KCNH7: variants seen among roughly 807,000 people sequenced by gnomAD.
The protein encoded by KCNH7 is potassium voltage-gated channel subfamily H member 7.
A neutral mutation model predicts 120.8 loss-of-function variants in KCNH7; 49 were observed. That is an observed-to-expected ratio of 0.41 (90% CI 0.32 to 0.51). The LOEUF (loss-of-function observed/expected upper bound fraction) is 0.51. Ranked by LOEUF, KCNH7 falls within the 20% of genes least tolerant of loss-of-function variation. The pLI, the probability that KCNH7 is intolerant of heterozygous loss-of-function variation, is 0.38. For synonymous variants in KCNH7, 547 were observed against 516.1 expected (o/e 1.06, Z -0.81); for missense variants, 1,097 against 1,446.6 (o/e 0.76, Z 3.92).
At chr2:162,392,078 G>T (rs1325261843) in intron 12 of KCNH7, among the ~76,000 whole-genome samples, 1 of 151,836 alleles carries the variant, frequency 6.6e-6, no homozygotes, top group Non-Finnish European at 1.5e-5. Flanking sequence ...TTTGGCAAAG[G>T]CAAAGGAAAA....
rs546692695 is a variant in KCNH7, at chr2:162,650,644, T to C, written c.308-113564A>G. On this transcript the variant is annotated intron_variant, in intron 2 of 15. Coordinates refer to ENST00000332142, the MANE Select transcript of KCNH7 (RefSeq NM_033272.4). ...GGTTAAATTCTCCTGTCAGGTACTCTCGCAGCACTGGGTAATTCTCCCTCA... is the reference window on the plus strand; with the variant it reads ...GGTTAAATTCTCCTGTCAGGTACTCCCGCAGCACTGGGTAATTCTCCCTCA... 4.6e-5 allele frequency among the ~76,000 whole-genome samples: 7 copies of C among 152,290 alleles called. No individual in the cohort carries two copies. The East Asian group carries it at 1.2e-3, about 25-fold the overall frequency.
rs1693709186 is a variant in KCNH7, at chr2:162,577,324, T to TCTAG, written c.308-40245_308-40244insCTAG. On this transcript the variant is annotated intron_variant, in intron 2 of 15. Coordinates refer to ENST00000332142, the MANE Select transcript of KCNH7 (RefSeq NM_033272.4). Reference sequence around the variant, plus strand: ...ATCTATCTATCTATCTATCTATCTATCTATCTGTCTATCATCTATCCATCC... The same window carrying TCTAG: ...ATCTATCTATCTATCTATCTATCTATCTAGCTATCTGTCTATCATCTATCCATCC... 6.4e-5 allele frequency among the ~76,000 whole-genome samples: 9 copies of TCTAG among 141,044 alleles called. No homozygotes were observed. In the South Asian group the frequency reaches 2.0e-3, roughly 31 times the overall value. 92.5% of individuals were successfully genotyped at this position (141,044 alleles called of 152,430 possible).
At position 162,435,597 on chromosome 2, in the gene KCNH7, T is replaced by C. The variant is rs1233284862; in HGVS notation, c.1555A>G (p.Thr519Ala). 3 of 1,577,366 alleles carry C rather than the reference T, an allele frequency of 1.9e-6. No individual in the cohort carries two copies. Among genetic ancestry groups the C allele is most frequent in the Non-Finnish European group, 2.6e-6 (3 of 1,161,418 alleles). The change falls in exon 8 of 16, where the codon ACA becomes GCA. Residue 519 changes from threonine (T) to alanine (A), a missense_variant and splice_region_variant. Physicochemically the swap from Thr to Ala is moderately conservative, Grantham distance 58 (BLOSUM62 0). Coordinates refer to ENST00000332142, the MANE Select transcript of KCNH7 (RefSeq NM_033272.4). ...LLIFGSGSDE[T>A]TTLIGLLKTA... ...TTCAAAAGACCAATTAATGTTGTTGTCTGTAGAAATAAATGTACACAGTCA... is the reference window on the plus strand; with the variant it reads ...TTCAAAAGACCAATTAATGTTGTTGCCTGTAGAAATAAATGTACACAGTCA...
chr2:162,474,697 C>A (rs1689675740), intron 6 of KCNH7, among the ~76,000 whole-genome samples: 1 of 152,230 alleles, frequency 6.6e-6, no homozygotes, highest in South Asian at 2.1e-4. Context: ...AGGAAACCAG[C>A]TGCCATGGTT....
At chr2:162,721,994 C>T (rs1484112333) in intron 2 of KCNH7, among the ~76,000 whole-genome samples, 1 of 151,854 alleles carries the variant, frequency 6.6e-6, no homozygotes, top group African/African-American at 2.4e-5. Context: ...TTTGTTTTTG[C>T]CATATATAAA....
chr2:162,729,645 T>TA (rs1687652482), intron 2 of KCNH7, among the ~76,000 whole-genome samples: 1 of 152,206 alleles, frequency 6.6e-6, no homozygotes, highest in African/African-American at 2.4e-5. Flanking sequence ...TAAAACTAGA[T>TA]AGTGCCTTCA....
At chr2:162,714,379 T>C (rs1166470718) in intron 2 of KCNH7, among the ~76,000 whole-genome samples, 1 of 152,092 alleles carries the variant, frequency 6.6e-6, no homozygotes, top group Admixed American at 6.5e-5. Context: ...GAAGTTGAAA[T>C]ATTAAAACAA....
intron 2 of KCNH7, among the ~76,000 whole-genome samples, chr2:162,721,002 C>G (rs919512036): frequency 2.6e-5 from 4 of 152,060 alleles, no homozygotes; most frequent in African/African-American, 9.7e-5. Context: ...TCCTGAGGTG[C>G]GGTGCTTGCA....
chr2:162,565,036 G>C (rs917097754), intron 2 of KCNH7, among the ~76,000 whole-genome samples: 6 of 152,062 alleles, frequency 3.9e-5, no homozygotes, highest in Non-Finnish European at 5.9e-5. Flanking sequence ...TTGTTTTTAT[G>C]TTTTCAGGTT....
intron 2 of KCNH7, among the ~76,000 whole-genome samples, chr2:162,763,666 T>C (rs2105455905): frequency 6.6e-6 from 1 of 151,750 alleles, no homozygotes; most frequent in Non-Finnish European, 1.5e-5. Flanking sequence ...AGAGGGCTAG[T>C]AATGCTGTCT....
At chr2:162,472,472 G>A (rs1689578680) in intron 6 of KCNH7, among the ~76,000 whole-genome samples, 1 of 152,110 alleles carries the variant, frequency 6.6e-6, no homozygotes, top group Admixed American at 6.5e-5. Context: ...TATGCAGCCA[G>A]CAGACACATG....
At chr2:162,618,126 A>G (rs769781998) in intron 2 of KCNH7, among the ~76,000 whole-genome samples, 2 of 152,164 alleles carry the variant, frequency 1.3e-5, no homozygotes, top group South Asian at 4.1e-4. Flanking sequence ...AAATGAAGAA[A>G]CAAAAGACCG....
chr2:162,734,861 G>GGA (rs528933518), intron 2 of KCNH7, among the ~76,000 whole-genome samples: 81 of 152,250 alleles, frequency 5.3e-4, no homozygotes, highest in Admixed American at 2.1e-3. Context: ...AATAGGGACT[G>GGA]GAGAGAGTGG....
intron 5 of KCNH7, among the ~76,000 whole-genome samples, chr2:162,510,689 A>G (rs891239062): frequency 2.0e-5 from 3 of 151,756 alleles, no homozygotes; most frequent in African/African-American, 7.2e-5. Flanking sequence ...CATTTTGTAC[A>G]CAAAGCAGTG....
intron 4 of KCNH7, among the ~76,000 whole-genome samples, chr2:162,514,948 T>C (rs1691229374): frequency 6.6e-6 from 1 of 151,906 alleles, no homozygotes; most frequent in African/African-American, 2.4e-5. Context: ...CGAAATCTTG[T>C]GCATGATTTC....
At chr2:162,572,130 T>A (rs1023218879) in intron 2 of KCNH7, among the ~76,000 whole-genome samples, 3 of 151,854 alleles carry the variant, frequency 2.0e-5, no homozygotes, top group East Asian at 3.9e-4. Context: ...TGGGAGAAAA[T>A]TTTCGCAACC....
intron 2 of KCNH7, among the ~76,000 whole-genome samples, chr2:162,756,396 G>A (rs976552241): frequency 6.6e-5 from 10 of 152,142 alleles, no homozygotes; most frequent in Admixed American, 6.6e-4. Context: ...TGCTGTTGAT[G>A]TGACACTTCT....
At chr2:162,541,470 A>C (rs1692300811) in intron 2 of KCNH7, among the ~76,000 whole-genome samples, 1 of 152,148 alleles carries the variant, frequency 6.6e-6, no homozygotes, top group Non-Finnish European at 1.5e-5. Context: ...GACTGGATCA[A>C]GAAAATGTGG....
intron 2 of KCNH7, among the ~76,000 whole-genome samples, chr2:162,663,481 A>G (rs1054028798): frequency 5.9e-5 from 9 of 152,176 alleles, no homozygotes; most frequent in African/African-American, 2.2e-4. Context: ...TCTTACAGTA[A>G]CACATGATTC....
Sources: allele counts gnomAD v4.1 joint callset (sites outside exome capture counted in the v4.1 genomes callset), GRCh38; gene constraint gnomAD v4.1.1; transcripts MANE v1.5; gene names NCBI Gene and HGNC (gene_info 2026-07-23, HGNC 2026-07-21).